The following BMP1 variants were observed in gnomAD, a reference collection of about 807,000 sequenced individuals.
BMP1 encodes bone morphogenetic protein 1.
A neutral mutation model predicts 116.8 loss-of-function variants in BMP1; 63 were observed. The observed-to-expected ratio is 0.54, with a 90% CI of 0.44 to 0.67. The LOEUF is 0.67. Among genes scored for constraint, BMP1 ranks in the 30% least tolerant of loss-of-function variants. BMP1 has a pLI of 0.00. For synonymous variants in BMP1, 536 were observed against 533.4 expected, an observed-to-expected ratio of 1.00 and a Z score of -0.07; for missense variants, 1,183 against 1,358.9, an observed-to-expected ratio of 0.87 and a Z score of 2.04.
At position 22,165,387 on chromosome 8, in the gene BMP1, T is replaced by TCGC; in HGVS notation, c.-11_-9dup. ...CCTGGCCTCCAGTGCGCCGCTTCCCTCGCCGCCGCCCCGCCAGCATGCCCG... is the reference window on the plus strand; with the variant it reads ...CCTGGCCTCCAGTGCGCCGCTTCCCTCGCCGCCGCCGCCCCGCCAGCATGCCCG... On this transcript the variant is annotated 5_prime_UTR_variant, in exon 1 of 20. Coordinates refer to ENST00000306385, the MANE Select transcript of BMP1 (RefSeq NM_006129.5). 1 of 1,434,764 alleles carries TCGC rather than the reference T, an allele frequency of 7.0e-7. No individual in the cohort carries two copies. 88.9% of individuals were successfully genotyped at this position (1,434,764 alleles called of 1,614,324 possible). A position where few individuals can be genotyped will look rare whatever the true frequency, so the allele number is the denominator to read the frequency against.
intron 19 of BMP1, among the ~76,000 whole-genome samples, chr8:22,210,958 G>A (rs547570719): frequency 6.6e-6 from 1 of 152,252 alleles, no homozygotes; most frequent in African/African-American, 2.4e-5. Context: ...GGGCGTTGAC[G>A]TCCGATGCTC....
intron 18 of BMP1, among the ~76,000 whole-genome samples, chr8:22,208,966 G>A (rs1239570172): frequency 1.3e-5 from 2 of 152,222 alleles, no homozygotes; most frequent in African/African-American, 2.4e-5. Context: ...CCGGAGGCCC[G>A]GAACTCCATC....
intron 8 of BMP1, among the ~76,000 whole-genome samples, chr8:22,188,034 C>G (rs532997133): frequency 7.9e-5 from 12 of 152,206 alleles, no homozygotes; most frequent in African/African-American, 2.9e-4. Flanking sequence ...AGAGAGGTGT[C>G]CTATTACTTC....
chr8:22,207,034 G>A lies in BMP1; in HGVS notation c.2361+53G>A, dbSNP rs561273870. On this transcript the variant is annotated intron_variant, in intron 17 of 19. Coordinates refer to ENST00000306385, the MANE Select transcript of BMP1 (RefSeq NM_006129.5). ...GCGGTGTGGCTGCCCCCGGTCAGAG[G>A]CACTGCCCAGAGCCACACAGGCTGC... 11 of 1,601,030 alleles carry A rather than the reference G, an allele frequency of 6.9e-6. No homozygotes were observed. The East Asian group carries it at 2.5e-4, about 36-fold the overall frequency.
At chr8:22,172,607 C>CT (rs368585884) in intron 1 of BMP1, among the ~76,000 whole-genome samples, 6,421 of 97,272 alleles carry the variant, frequency 0.066, 445 homozygotes, top group African/African-American at 0.13. Flanking sequence ...TTTATTTCCT[C>CT]TTTTTTTTTT....
chr8:22,203,261 A>T (rs1829296282), intron 16 of BMP1, among the ~76,000 whole-genome samples: 1 of 152,162 alleles, frequency 6.6e-6, no homozygotes, highest in African/African-American at 2.4e-5. Flanking sequence ...CCATGAAACG[A>T]TAAAAAATGA....
intron 8 of BMP1, among the ~76,000 whole-genome samples, chr8:22,189,276 ATATGGTCTTT>A (rs1828863322): frequency 6.6e-6 from 1 of 151,988 alleles, no homozygotes; most frequent in South Asian, 2.1e-4. Context: ...ATGCACACGT[ATATGGTCTTT>A]TGCAACATAC....
At position 22,187,694 on chromosome 8, in the gene BMP1, C is replaced by T. The variant is rs950448278; in HGVS notation, c.1078-4355C>T. On this transcript the variant is annotated intron_variant, in intron 8 of 19. Coordinates refer to ENST00000306385, the MANE Select transcript of BMP1 (RefSeq NM_006129.5). ...AATGAGGAAATCCTGGTCCACTTCC[C>T]CAGGGACGCTATTTCTCTCTAATTC... Among the ~76,000 whole-genome samples, 3 of 151,882 alleles carry T rather than the reference C, an allele frequency of 2.0e-5. No homozygotes were observed. The East Asian group carries it at 5.8e-4, about 29-fold the overall frequency.
chr8:22,176,994 C>T lies in BMP1; in HGVS notation c.585C>T (p.Gly195=), dbSNP rs750251192. 2.5e-6 allele frequency: 4 copies of T among 1,612,040 alleles called. No individual in the cohort carries two copies. Among genetic ancestry groups the T allele is most frequent in the Non-Finnish European group, 2.5e-6 (3 of 1,179,404 alleles). ...CCTACGTGGGTCGCCGCGGCGGGGGCCCCCAGGCCATCTCCATCGGCAAGA... is the reference window on the plus strand; with the variant it reads ...CCTACGTGGGTCGCCGCGGCGGGGGTCCCCAGGCCATCTCCATCGGCAAGA... The part of the protein sequence containing the change: ...CCSYVGRRGG[G]PQAISIGKNC... The change falls in exon 5 of 20, where the codon GGC becomes GGT. Residue 195 remains glycine (G), a synonymous_variant. Transcript: ENST00000306385.
intron 15 of BMP1, chr8:22,201,549 A>G: frequency 7.1e-7 from 1 of 1,417,502 alleles, no homozygotes. Flanking sequence ...ATGGTGACCC[A>G]TGCTGGTCCG....
At chr8:22,195,805 C>A (rs1001953124) in intron 13 of BMP1, among the ~76,000 whole-genome samples, 4 of 152,096 alleles carry the variant, frequency 2.6e-5, no homozygotes, top group African/African-American at 9.7e-5. Context: ...CATCACCTTG[C>A]CTGGCTAATT....
chr8:22,199,778 T>C (rs1337377658), intron 15 of BMP1, among the ~76,000 whole-genome samples: 1 of 152,148 alleles, frequency 6.6e-6, no homozygotes, highest in Non-Finnish European at 1.5e-5. Flanking sequence ...TCTGCAGGGC[T>C]GATTCAAAGG....
chr8:22,177,024 T>C lies in BMP1; in HGVS notation c.615T>C (p.Cys205=). ...AGGCCATCTCCATCGGCAAGAACTG[T>C]GACAAGTTCGGCATTGTGGTCCACG... ...GPQAISIGKN[C]DKFGIVVHEL... The change falls in exon 5 of 20, where the codon TGT becomes TGC. Residue 205 remains cysteine, a synonymous_variant. Coordinates refer to ENST00000306385, the MANE Select transcript of BMP1 (RefSeq NM_006129.5). The C allele has an allele frequency of 2.5e-6, 4 of 1,613,002 alleles. No individual in the cohort carries two copies.
chr8:22,197,204 T>C lies in BMP1; in HGVS notation c.1927-36T>C, dbSNP rs772053147. 5 of 1,593,400 alleles carry C rather than the reference T, an allele frequency of 3.1e-6. No homozygotes were observed. The Admixed American group carries it at 5.1e-5, about 16-fold the overall frequency. On this transcript the variant is annotated intron_variant, in intron 14 of 19. Coordinates refer to ENST00000306385, the MANE Select transcript of BMP1 (RefSeq NM_006129.5). The stretch of plus-strand genomic sequence containing the variant: ...GCAGGAGTAGTCAAGAGAGGCTTCC[T>C]GGAGGAGGCGGGCCTGGAGCTGGGC...
At chr8:22,198,409 G>C (rs886434081) in intron 15 of BMP1, 3 of 152,100 alleles carry the variant, frequency 2.0e-5, no homozygotes, top group Admixed American at 2.0e-4. Flanking sequence ...CTGATCCTCC[G>C]GGTCCAGGAG....
Position 22,198,977 on chromosome 8 carries a change from A to G in BMP1, c.2107+1557A>G, listed in dbSNP as rs774471576. 6.1e-5 allele frequency: 79 copies of G among 1,289,638 alleles called. 1 individual carries two copies. In the South Asian group the frequency reaches 1.0e-3, roughly 16 times the overall value. 79.9% of individuals were successfully genotyped at this position (1,289,638 alleles called of 1,614,324 possible). A position where few individuals can be genotyped will look rare whatever the true frequency, so the allele number is the denominator to read the frequency against. ...GGGGCAGGCTCTGCCCCGGGAAACC[A>G]TTACCTGCTTACTCTCGTCTCTTCC... On this transcript the variant is annotated intron_variant, in intron 15 of 19. Coordinates refer to ENST00000306385, the MANE Select transcript of BMP1 (RefSeq NM_006129.5).
chr8:22,198,830 C>A, intron 15 of BMP1: 2 of 683,392 alleles, frequency 2.9e-6, no homozygotes, highest in Non-Finnish European at 4.0e-6. Flanking sequence ...CGTTGACCTC[C>A]TGCCCCCAAC....
At chr8:22,168,855 G>T (rs1828194861) in intron 1 of BMP1, among the ~76,000 whole-genome samples, 1 of 152,156 alleles carries the variant, frequency 6.6e-6, no homozygotes, top group Admixed American at 6.5e-5. Flanking sequence ...GGGCAGTGGG[G>T]TTCCCCAGGA....
chr8:22,183,856 G>A (rs1373425356), intron 8 of BMP1, among the ~76,000 whole-genome samples: 5 of 152,096 alleles, frequency 3.3e-5, no homozygotes, highest in East Asian at 3.9e-4. Context: ...GATTACAGAC[G>A]TGAGCCGCCG....
Sources: gnomAD v4.1 joint callset for allele counts (sites outside exome capture counted in the v4.1 genomes callset) on GRCh38, gnomAD v4.1.1 for gene constraint, MANE v1.5 for transcripts, NCBI Gene and HGNC (gene_info 2026-07-23, HGNC 2026-07-21) for gene names.